Variants in MSH3 observed in about 807,000 individuals in gnomAD.
MSH3 encodes mutS homolog 3, also known as DNA mismatch repair protein Msh3.
MSH3 carries 106 observed loss-of-function variants against 123.3 expected under a neutral mutation model. The observed-to-expected ratio is 0.86, with a 90% confidence interval of 0.73 to 1.01. MSH3 has a LOEUF of 1.01. MSH3 is among the 50% of genes least tolerant of loss of function. The pLI, the probability that MSH3 is intolerant of heterozygous loss-of-function variation, is 0.00. For missense variants in MSH3, 1,459 were observed against 1,347.6 expected (o/e 1.08, Z -1.29); for synonymous variants, 515 against 481.4 (o/e 1.07, Z -0.91).
intron 1 of MSH3, 191 bp downstream of exon 1, chr5:80,655,155 T>G (rs1749235911): frequency 2.1e-6 from 1 of 482,900 alleles, no homozygotes; most frequent in African/African-American, 2.0e-5. Flanking sequence ...TTTTAGTACT[T>G]CCGTTTGAGG....
chr5:80,843,840 C>G (rs960884399), intron 20 of MSH3, among the ~76,000 whole-genome samples: 4 of 151,902 alleles, frequency 2.6e-5, no homozygotes, highest in African/African-American at 9.7e-5. Flanking sequence ...TTTTGTTGAT[C>G]TTTTCAAAAA....
At chr5:80,673,617 A>G (rs1749770362) in intron 6 of MSH3, among the ~76,000 whole-genome samples, 1 of 152,214 alleles carries the variant, frequency 6.6e-6, no homozygotes, top group African/African-American at 2.4e-5. Context: ...TTAAATGCCT[A>G]TAAAATATAG....
chr5:80,671,982 G>C (rs1285839390), intron 4 of MSH3, among the ~76,000 whole-genome samples: 1 of 146,996 alleles, frequency 6.8e-6, no homozygotes, highest in Non-Finnish European at 1.5e-5. Context: ...GGATGTAGAA[G>C]ACCTGTCATA....
At chr5:80,807,530 G>C (rs1744913424) in intron 19 of MSH3, among the ~76,000 whole-genome samples, 1 of 152,212 alleles carries the variant, frequency 6.6e-6, no homozygotes, top group Non-Finnish European at 1.5e-5. Context: ...AAAATTGTGA[G>C]AAGTACCTCC....
At chr5:80,806,699 T>C (rs1300182214) in intron 19 of MSH3, among the ~76,000 whole-genome samples, 3 of 152,206 alleles carry the variant, frequency 2.0e-5, no homozygotes, top group Admixed American at 1.3e-4. Context: ...CTAATTTCTA[T>C]TTAGCTTTTG....
At chr5:80,779,566 T>C (rs895885766) in intron 17 of MSH3, among the ~76,000 whole-genome samples, 2 of 150,648 alleles carry the variant, frequency 1.3e-5, no homozygotes, top group Non-Finnish European at 3.0e-5. Context: ...TTTTTTTTTT[T>C]TTGAGGTGGA....
intron 19 of MSH3, 115 bp downstream of exon 19, chr5:80,792,959 C>A: frequency 1.4e-6 from 1 of 703,690 alleles, no homozygotes; most frequent in South Asian, 1.7e-5. Context: ...TTTAAATGGG[C>A]TAAGCCTGGA....
At chr5:80,724,264 AAAG>A (rs745563890) in intron 8 of MSH3, among the ~76,000 whole-genome samples, 2 of 152,250 alleles carry the variant, frequency 1.3e-5, no homozygotes, top group Non-Finnish European at 2.9e-5. Flanking sequence ...CAGCCATTAA[AAAG>A]AAGGAGTTGT....
At chr5:80,744,112 T>A (rs1743670727) in intron 11 of MSH3, among the ~76,000 whole-genome samples, 1 of 152,192 alleles carries the variant, frequency 6.6e-6, no homozygotes, top group South Asian at 2.1e-4. Context: ...CTCCAGCACC[T>A]TGTTCAGTGT....
intron 8 of MSH3, among the ~76,000 whole-genome samples, chr5:80,679,702 A>G (rs1164075823): frequency 6.6e-6 from 1 of 152,246 alleles, no homozygotes; most frequent in African/African-American, 2.4e-5. Context: ...AGATGTGGTT[A>G]TGATATATGT....
chr5:80,663,444 A>G (rs983180115), intron 2 of MSH3, among the ~76,000 whole-genome samples: 4 of 151,906 alleles, frequency 2.6e-5, no homozygotes, highest in Admixed American at 2.6e-4. Context: ...ATTTCAATTG[A>G]GTATGACAAG....
intron 10 of MSH3, among the ~76,000 whole-genome samples, chr5:80,729,779 A>G (rs1483567160): frequency 6.6e-6 from 1 of 152,178 alleles, no homozygotes; most frequent in Non-Finnish European, 1.5e-5. Flanking sequence ...TTGGAATAGA[A>G]AAAAGTAGTA....
At chr5:80,819,601 C>A (rs1745168950) in intron 20 of MSH3, among the ~76,000 whole-genome samples, 1 of 151,762 alleles carries the variant, frequency 6.6e-6, no homozygotes. Context: ...ATTTTCCTGC[C>A]TCAGCCTCCT....
chr5:80,819,783 G>A (rs556345256), intron 20 of MSH3, among the ~76,000 whole-genome samples: 2 of 152,018 alleles, frequency 1.3e-5, no homozygotes, highest in Non-Finnish European at 2.9e-5. Context: ...CACTGCGCCC[G>A]GCCAAAAACA....
At chr5:80,673,611 A>G (rs899760551) in intron 6 of MSH3, among the ~76,000 whole-genome samples, 2 of 152,196 alleles carry the variant, frequency 1.3e-5, no homozygotes, top group Admixed American at 1.3e-4. Flanking sequence ...ACAGAGTTAA[A>G]TGCCTATAAA....
At chr5:80,713,054 G>T (rs375936948) in intron 8 of MSH3, among the ~76,000 whole-genome samples, 2 of 152,170 alleles carry the variant, frequency 1.3e-5, no homozygotes, top group Admixed American at 1.3e-4. Context: ...AGGGGGCCTT[G>T]TAAGTTTTCC....
intron 23 of MSH3, 107 bp downstream of exon 23, chr5:80,873,394 C>T: frequency 9.1e-7 from 1 of 1,093,800 alleles, no homozygotes. Context: ...TTTTAAGCAC[C>T]TCTTCAAATA....
chr5:80,662,118 C>T (rs988494285), intron 2 of MSH3, among the ~76,000 whole-genome samples: 6 of 152,168 alleles, frequency 3.9e-5, no homozygotes, highest in Admixed American at 6.5e-5. Context: ...TTTTGCTGTA[C>T]CATTTCTATG....
intron 19 of MSH3, among the ~76,000 whole-genome samples, chr5:80,794,034 A>G (rs1485045916): frequency 1.3e-5 from 2 of 152,156 alleles, no homozygotes; most frequent in African/African-American, 2.4e-5. Context: ...GGGAGGAGAG[A>G]GAGTGAGGTG....
Sources: gnomAD v4.1 joint callset for allele counts (sites outside exome capture counted in the v4.1 genomes callset) on GRCh38, gnomAD v4.1.1 for gene constraint, MANE v1.5 for transcripts, NCBI Gene and HGNC (gene_info 2026-07-23, HGNC 2026-07-21) for gene names.